Variants in RBM4 observed in about 807,000 individuals in gnomAD.
RBM4 encodes RNA-binding protein 4.
Under a neutral mutation model 29.5 loss-of-function variants are expected in RBM4, and 7 were observed. The observed-to-expected ratio is 0.24, with a 90% CI of 0.14 to 0.45. The LOEUF (loss-of-function observed/expected upper bound fraction) is 0.45, where lower values mean the gene tolerates loss of function less well. Among genes scored for constraint, RBM4 ranks in the 20% least tolerant of loss-of-function variants. RBM4 has a pLI of 1.00. For missense variants in RBM4, 387 were observed against 502.3 expected, an observed-to-expected ratio of 0.77 and a Z score of 2.19; for synonymous variants, 220 against 205.4, an observed-to-expected ratio of 1.07 and a Z score of -0.61.
chr11:66,653,938 T>G (rs762051915), intron 2 of RBM4, among the ~76,000 whole-genome samples: 12 of 151,906 alleles, frequency 7.9e-5, no homozygotes, highest in Non-Finnish European at 1.5e-4. Context: ...GCACCTGTAG[T>G]CTCAGGTACT....
downstream of RBM4, among the ~76,000 whole-genome samples, chr11:66,651,172 A>G (rs1249972996): frequency 6.6e-6 from 1 of 152,134 alleles, no homozygotes; most frequent in East Asian, 1.9e-4. Context: ...TGGCACTAGT[A>G]TTAAGTGCTG....
intron 2 of RBM4, among the ~76,000 whole-genome samples, chr11:66,651,844 C>A (rs373716674): frequency 4.6e-5 from 7 of 152,194 alleles, no homozygotes; most frequent in African/African-American, 1.7e-4. Flanking sequence ...TCTGGAGTTT[C>A]TTTTATATAA....
chr11:66,647,032 A>G (rs1429177799), downstream of RBM4, among the ~76,000 whole-genome samples: 1 of 152,224 alleles, frequency 6.6e-6, no homozygotes, highest in Non-Finnish European at 1.5e-5. Context: ...CAGCCTTTAA[A>G]TCATAGGCAT....
chr11:66,639,276 A>T (rs2135050886), intron 1 of RBM4: 1 of 169,282 alleles, frequency 5.9e-6, no homozygotes, highest in East Asian at 1.7e-4. Context: ...ATTTTCCCGG[A>T]AATGATGGCT....
At chr11:66,659,532 G>C (rs551895362) in intron 2 of RBM4, among the ~76,000 whole-genome samples, 2 of 152,000 alleles carry the variant, frequency 1.3e-5, no homozygotes, top group South Asian at 4.2e-4. Context: ...GCCCGCCTTG[G>C]CCTCCCAACT....
intron 3 of RBM4, 83 bp downstream of exon 3, chr11:66,644,223 C>A: frequency 1.3e-6 from 2 of 1,509,964 alleles, no homozygotes; most frequent in Non-Finnish European, 1.8e-6. Context: ...GCCCTGCTTG[C>A]TTGCTTGCTT....
intron 2 of RBM4, chr11:66,665,789 A>G: frequency 1.4e-6 from 2 of 1,395,008 alleles, no homozygotes; most frequent in Non-Finnish European, 1.9e-6. Flanking sequence ...CTATATATAT[A>G]GGACAAGATG....
chr11:66,658,693 T>C (rs1590873355), intron 2 of RBM4, among the ~76,000 whole-genome samples: 2 of 151,958 alleles, frequency 1.3e-5, no homozygotes, highest in Non-Finnish European at 2.9e-5. Flanking sequence ...TCCCAGCACT[T>C]TGGGAGGCCA....
downstream of RBM4, chr11:66,649,627 A>G (rs1938783599): frequency 6.4e-6 from 4 of 622,958 alleles, no homozygotes; most frequent in Middle Eastern, 2.5e-4. Flanking sequence ...GCTTCCAATC[A>G]AGTGTATCTT....
intron 2 of RBM4, among the ~76,000 whole-genome samples, chr11:66,662,717 A>G (rs1005413510): frequency 2.0e-5 from 3 of 152,164 alleles, no homozygotes; most frequent in South Asian, 2.1e-4. Flanking sequence ...TAAACTTCCT[A>G]TGTTAAATTG....
chr11:66,662,524 C>A (rs983028256), intron 2 of RBM4, among the ~76,000 whole-genome samples: 1 of 152,062 alleles, frequency 6.6e-6, no homozygotes, highest in African/African-American at 2.4e-5. Flanking sequence ...GCCTCAGCCT[C>A]CCTAGTAGCT....
intron 2 of RBM4, among the ~76,000 whole-genome samples, chr11:66,660,164 C>T (rs954603098): frequency 2.7e-5 from 4 of 145,962 alleles, no homozygotes; most frequent in Non-Finnish European, 1.5e-5. Flanking sequence ...CTGAAGGGAC[C>T]TTTCTCTTTA....
downstream of RBM4, among the ~76,000 whole-genome samples, chr11:66,646,670 A>G (rs1468025613): frequency 6.6e-6 from 1 of 152,196 alleles, no homozygotes; most frequent in African/African-American, 2.4e-5. Context: ...ATTCCAATGA[A>G]GACTTTTCCC....
intron 2 of RBM4, among the ~76,000 whole-genome samples, chr11:66,656,730 G>T (rs182259527): frequency 2.0e-5 from 3 of 151,962 alleles, no homozygotes; most frequent in Admixed American, 1.3e-4. Flanking sequence ...ACATGATCTC[G>T]GTTCACTGCA....
At chr11:66,641,758 C>T (rs2030761758) in intron 2 of RBM4, among the ~76,000 whole-genome samples, 1 of 152,102 alleles carries the variant, frequency 6.6e-6, no homozygotes, top group Non-Finnish European at 1.5e-5. Flanking sequence ...TAATACTGTT[C>T]TGGTAGAATT....
intron 2 of RBM4, chr11:66,665,408 G>A (rs1336248455): frequency 3.1e-6 from 2 of 647,486 alleles, no homozygotes; most frequent in Non-Finnish European, 5.5e-6. Flanking sequence ...ACTAGTTTCA[G>A]GAGGAAAGAA....
intron 2 of RBM4, among the ~76,000 whole-genome samples, chr11:66,642,676 T>C (rs1443121126): frequency 6.6e-6 from 1 of 152,256 alleles, no homozygotes; most frequent in Non-Finnish European, 1.5e-5. Flanking sequence ...TTTTCTTCCA[T>C]GTTTTTTACA....
At chr11:66,665,608 C>T in intron 2 of RBM4, 1 of 1,535,904 alleles carries the variant, frequency 6.5e-7, no homozygotes, top group Non-Finnish European at 8.7e-7. Context: ...AAGAGGCTTA[C>T]ACAATGCCTG....
downstream of RBM4, among the ~76,000 whole-genome samples, chr11:66,647,887 T>A (rs1254201131): frequency 6.6e-6 from 1 of 152,142 alleles, no homozygotes; most frequent in Non-Finnish European, 1.5e-5. Context: ...ATATGATATA[T>A]TTTTGCATTA....
Sources: allele counts gnomAD v4.1 joint callset (sites outside exome capture counted in the v4.1 genomes callset), GRCh38; gene constraint gnomAD v4.1.1; transcripts MANE v1.5; gene names NCBI Gene and HGNC (gene_info 2026-07-23, HGNC 2026-07-21).